The following ST6GALNAC5 variants were observed in gnomAD, a reference collection of about 807,000 sequenced individuals.
ST6GALNAC5 encodes alpha-N-acetylgalactosaminide alpha-2,6-sialyltransferase 5.
In ST6GALNAC5, 27 loss-of-function variants were observed where a neutral mutation model predicts 33.6. The ratio of observed to expected loss-of-function variants is 0.80; its 90% CI spans 0.59 to 1.11. The LOEUF (loss-of-function observed/expected upper bound fraction) is 1.11, where lower values mean the gene tolerates loss of function less well. Among genes scored for constraint, ST6GALNAC5 ranks in the 50% least tolerant of loss-of-function variants. The pLI, the probability that ST6GALNAC5 is intolerant of heterozygous loss-of-function variation, is 0.00. For synonymous variants in ST6GALNAC5, 194 were observed against 171.2 expected (o/e 1.13, Z -1.04); for missense variants, 428 against 454.0 (o/e 0.94, Z 0.52).
At chr1:76,924,654 C>T (rs1325477858) in intron 2 of ST6GALNAC5, among the ~76,000 whole-genome samples, 1 of 152,130 alleles carries the variant, frequency 6.6e-6, no homozygotes, top group African/African-American at 2.4e-5. Context: ...TCCATCTACA[C>T]CATATCCTTG....
At chr1:76,900,405 C>T (rs777732760) in intron 2 of ST6GALNAC5, among the ~76,000 whole-genome samples, 2 of 152,120 alleles carry the variant, frequency 1.3e-5, no homozygotes, top group Non-Finnish European at 2.9e-5. Context: ...TCATAATAAC[C>T]AGAACTTTAT....
At position 76,929,049 on chromosome 1, in the gene ST6GALNAC5, A is replaced by G. The variant is rs577423179; in HGVS notation, c.261+60307A>G. 2.6e-5 allele frequency among the ~76,000 whole-genome samples: 4 copies of G among 152,296 alleles called. No individual in the cohort carries two copies. The East Asian group carries it at 7.7e-4, about 29-fold the overall frequency. On this transcript the variant is annotated intron_variant, in intron 2 of 4. Coordinates refer to ENST00000477717, the MANE Select transcript of ST6GALNAC5 (RefSeq NM_030965.3). ...TTCCTTCAAGCCTTACTTTCTTTCA[A>G]AAATATTTGTTGAATACTTGCTGTT...
intron 2 of ST6GALNAC5, among the ~76,000 whole-genome samples, chr1:77,018,554 C>G (rs1650935913): frequency 1.3e-5 from 2 of 152,176 alleles, no homozygotes; most frequent in Non-Finnish European, 2.9e-5. Flanking sequence ...ACTCCACAGC[C>G]ATTGATCCTA....
intron 2 of ST6GALNAC5, among the ~76,000 whole-genome samples, chr1:76,995,908 A>T (rs1649918847): frequency 6.6e-6 from 1 of 152,196 alleles, no homozygotes; most frequent in Non-Finnish European, 1.5e-5. Context: ...GCCGAAGAGG[A>T]GATGAAAACA....
chr1:76,987,027 G>A (rs1190363633), intron 2 of ST6GALNAC5, among the ~76,000 whole-genome samples: 1 of 152,132 alleles, frequency 6.6e-6, no homozygotes, highest in African/African-American at 2.4e-5. Flanking sequence ...GTGGAGTGGG[G>A]GACTGGGGGA....
chr1:76,950,075 C>T (rs1647682754), intron 2 of ST6GALNAC5, among the ~76,000 whole-genome samples: 1 of 152,088 alleles, frequency 6.6e-6, no homozygotes, highest in South Asian at 2.1e-4. Flanking sequence ...ATAAGTTCAG[C>T]CTTCTCCTCA....
intron 2 of ST6GALNAC5, among the ~76,000 whole-genome samples, chr1:76,964,431 C>G (rs555940322): frequency 6.6e-6 from 1 of 152,066 alleles, no homozygotes; most frequent in African/African-American, 2.4e-5. Context: ...TAAATGGCCC[C>G]TTTTCAACCT....
At chr1:77,060,022 G>A (rs1652524109) in intron 4 of ST6GALNAC5, 1 of 152,040 alleles carries the variant, frequency 6.6e-6, no homozygotes, top group South Asian at 2.1e-4. Context: ...GAGTCTATGG[G>A]GTTGGAGCAT....
At chr1:77,051,749 A>G (rs893898414) in intron 4 of ST6GALNAC5, among the ~76,000 whole-genome samples, 3 of 152,214 alleles carry the variant, frequency 2.0e-5, no homozygotes, top group Non-Finnish European at 4.4e-5. Context: ...TGGCCTAAAA[A>G]GGCAAACTGC....
rs368407681 is a variant in ST6GALNAC5 at position 76,955,220 on chromosome 1, G to A, written c.261+86478G>A. Among the ~76,000 whole-genome samples the A allele has an allele frequency of 6.6e-5, 10 of 152,132 alleles. No individual in the cohort carries two copies. In the South Asian group the frequency reaches 1.0e-3, roughly 16 times the overall value. On this transcript the variant is annotated intron_variant, in intron 2 of 4. Transcript: ENST00000477717. ...TTCATATTACTGCAGATTAGGGTAC[G>A]ATTAGTGTGGTCCAGGCAGAGGTTT...
At chr1:76,930,003 G>A (rs188293138) in intron 2 of ST6GALNAC5, among the ~76,000 whole-genome samples, 1 of 152,200 alleles carries the variant, frequency 6.6e-6, no homozygotes, top group East Asian at 1.9e-4. Context: ...ATTTTTGTGG[G>A]ATTACAAGAT....
intron 2 of ST6GALNAC5, among the ~76,000 whole-genome samples, chr1:77,028,822 T>C (rs1469755668): frequency 1.3e-5 from 2 of 152,134 alleles, no homozygotes; most frequent in Non-Finnish European, 2.9e-5. Flanking sequence ...AAGTCAACAG[T>C]TGGTAAGTGA....
rs767075743 is a variant in ST6GALNAC5 at position 76,941,197 on chromosome 1, C to CTT, written c.261+72457_261+72458dup. On this transcript the variant is annotated intron_variant, in intron 2 of 4. Coordinates refer to ENST00000477717, the MANE Select transcript of ST6GALNAC5 (RefSeq NM_030965.3). The stretch of plus-strand genomic sequence containing the variant: ...TTCCCACAAGCCTCATAAATACTAC[C>CTT]TTTGTGCCTTCTTAAATACACAGTG... Among the ~76,000 whole-genome samples the CTT allele has an allele frequency of 8.5e-5, 13 of 152,138 alleles. No individual in the cohort carries two copies. The East Asian group carries it at 2.5e-3, about 30-fold the overall frequency.
intron 2 of ST6GALNAC5, among the ~76,000 whole-genome samples, chr1:76,903,192 TAAAAC>T (rs1335473599): frequency 6.6e-6 from 1 of 152,042 alleles, no homozygotes; most frequent in African/African-American, 2.4e-5. Flanking sequence ...AACTCAATAA[TAAAAC>T]AAATTAACCC....
chr1:77,006,142 T>TTG (rs1553172581), intron 2 of ST6GALNAC5, among the ~76,000 whole-genome samples: 5 of 151,718 alleles, frequency 3.3e-5, no homozygotes, highest in Non-Finnish European at 7.4e-5. Context: ...TGTAGTTTTT[T>TTG]TTGTTGTTGT....
chr1:76,877,138 C>T (rs1169870903), intron 2 of ST6GALNAC5, among the ~76,000 whole-genome samples: 2 of 152,108 alleles, frequency 1.3e-5, no homozygotes, highest in African/African-American at 4.8e-5. Flanking sequence ...GATCAGTTTC[C>T]ACCAAAGCCC....
At chr1:77,011,094 G>C (rs1650618173) in intron 2 of ST6GALNAC5, among the ~76,000 whole-genome samples, 1 of 115,752 alleles carries the variant, frequency 8.6e-6, no homozygotes, top group African/African-American at 3.3e-5. Flanking sequence ...CTGGCAAGTA[G>C]ATGACCCCTT....
intron 2 of ST6GALNAC5, among the ~76,000 whole-genome samples, chr1:76,891,833 C>T (rs1163963520): frequency 2.0e-5 from 3 of 152,162 alleles, no homozygotes; most frequent in East Asian, 1.9e-4. Context: ...GTTGAAAAAA[C>T]TCTGCTTTCC....
At chr1:77,061,417 A>T (rs1464154508) in intron 4 of ST6GALNAC5, among the ~76,000 whole-genome samples, 1 of 152,150 alleles carries the variant, frequency 6.6e-6, no homozygotes, top group Non-Finnish European at 1.5e-5. Flanking sequence ...CTATTTGTGT[A>T]TTGATCTCCT....
Sources: gnomAD v4.1 joint callset for allele counts (sites outside exome capture counted in the v4.1 genomes callset) on GRCh38, gnomAD v4.1.1 for gene constraint, MANE v1.5 for transcripts, NCBI Gene and HGNC (gene_info 2026-07-23, HGNC 2026-07-21) for gene names.